Variants in NBEA observed in about 807,000 individuals in gnomAD.
NBEA encodes the protein lysosomal-trafficking regulator 2.
Under a neutral mutation model 343.4 loss-of-function variants are expected in NBEA, and 44 were observed. The ratio of observed to expected loss-of-function variants is 0.13; its 90% CI spans 0.10 to 0.16. NBEA has a LOEUF of 0.16. NBEA is among the 10% of genes least tolerant of loss of function. NBEA has a pLI of 1.00. For missense variants in NBEA, 2,555 were observed against 3,631.3 expected (o/e 0.70, Z 7.62); for synonymous variants, 1,175 against 1,238.7 (o/e 0.95, Z 1.08).
chr13:35,547,787 G>A (rs2079127887), intron 41 of NBEA, among the ~76,000 whole-genome samples: 2 of 152,098 alleles, frequency 1.3e-5, no homozygotes, highest in Non-Finnish European at 2.9e-5. Flanking sequence ...TACTTGAGAG[G>A]CTGAAGCAGG....
intron 40 of NBEA, among the ~76,000 whole-genome samples, chr13:35,458,943 A>T (rs1317132545): frequency 6.6e-6 from 1 of 151,026 alleles, no homozygotes. Flanking sequence ...ATTCAAATGT[A>T]AGTGTTGGAT....
rs2046647117 is a variant in NBEA, at chr13:35,457,477, A to C, written c.6448+5242A>C. On this transcript the variant is annotated intron_variant, in intron 40 of 58. Coordinates refer to ENST00000379939, the MANE Select transcript of NBEA (RefSeq NM_001385012.1). ...CTTTCGCAATCCTGGACAACCGCTA[A>C]TCTACTTTCTGTCTCTATAGATTTG... 2.0e-5 allele frequency among the ~76,000 whole-genome samples: 3 copies of C among 152,138 alleles called. 1 individual carries two copies. Among genetic ancestry groups the C allele is most frequent in the Non-Finnish European group, 2.9e-5 (2 of 68,020 alleles).
At chr13:35,474,847 T>C (rs1370573746) in intron 41 of NBEA, 3 of 578,634 alleles carry the variant, frequency 5.2e-6, no homozygotes, top group Non-Finnish European at 8.9e-6. Context: ...CTTCTAATAC[T>C]AGTGGCTTTG....
chr13:35,101,618 G>T (rs1593347765), intron 11 of NBEA, among the ~76,000 whole-genome samples: 1 of 151,724 alleles, frequency 6.6e-6, no homozygotes, highest in Middle Eastern at 3.4e-3. Context: ...TTAATAGACG[G>T]ATGATTAACA....
chr13:35,325,639 A>G (rs1477954566), intron 36 of NBEA, among the ~76,000 whole-genome samples: 1 of 152,080 alleles, frequency 6.6e-6, no homozygotes, highest in African/African-American at 2.4e-5. Context: ...GCAATATATG[A>G]AAAGGATTAT....
At chr13:35,475,884 C>T (rs759342515) in intron 41 of NBEA, 14 of 1,614,116 alleles carry the variant, frequency 8.7e-6, no homozygotes, top group Admixed American at 1.7e-5. Flanking sequence ...CGAAGTTGAA[C>T]ACCCCCATTT....
At chr13:35,049,821 A>G (rs1204430637) in intron 5 of NBEA, among the ~76,000 whole-genome samples, 4 of 151,614 alleles carry the variant, frequency 2.6e-5, no homozygotes, top group East Asian at 1.9e-4. Flanking sequence ...CAACTGTATC[A>G]TTTATCAAAC....
chr13:35,452,249 T>C lies in NBEA; in HGVS notation c.6448+14T>C, dbSNP rs557336899. The stretch of plus-strand genomic sequence containing the variant: ...ACAACCTTGCAGGTAAATTTTAAAA[T>C]ATATTTTTCCTATTTGTTGTAAATA... On this transcript the variant is annotated intron_variant, in intron 40 of 58. Transcript: ENST00000379939. 1 of 1,540,584 alleles carries C rather than the reference T, an allele frequency of 6.5e-7. No individual in the cohort carries two copies. The highest frequency in any genetic ancestry group is 1.2e-5 in the South Asian group (1 of 82,236).
At chr13:35,152,568 G>C (rs1021650596) in intron 18 of NBEA, among the ~76,000 whole-genome samples, 5 of 152,126 alleles carry the variant, frequency 3.3e-5, no homozygotes, top group African/African-American at 1.2e-4. Context: ...AGCTTCAGTA[G>C]CCCCTGCTTC....
chr13:35,203,452 A>G (rs555202480), intron 31 of NBEA, among the ~76,000 whole-genome samples: 2 of 152,010 alleles, frequency 1.3e-5, no homozygotes, highest in African/African-American at 2.4e-5. Context: ...CTTCTTATCT[A>G]TGCTTTATTT....
At chr13:35,213,908 C>A (rs985815677) in intron 33 of NBEA, among the ~76,000 whole-genome samples, 1 of 151,980 alleles carries the variant, frequency 6.6e-6, no homozygotes, top group African/African-American at 2.4e-5. Flanking sequence ...TTATTCACTC[C>A]TATCTCTGCT....
intron 10 of NBEA, among the ~76,000 whole-genome samples, chr13:35,085,463 A>G (rs552931123): frequency 6.6e-6 from 1 of 152,324 alleles, no homozygotes; most frequent in Non-Finnish European, 1.5e-5. Flanking sequence ...CAGCATATGA[A>G]CAGAACCAAT....
chr13:34,993,993 C>T (rs2060849348), intron 1 of NBEA, among the ~76,000 whole-genome samples: 1 of 151,604 alleles, frequency 6.6e-6, no homozygotes, highest in Non-Finnish European at 1.5e-5. Context: ...AGGTCAAGAG[C>T]TCAAGACCAG....
At chr13:35,306,435 G>A (rs145337278) in intron 35 of NBEA, among the ~76,000 whole-genome samples, 1 of 151,382 alleles carries the variant, frequency 6.6e-6, no homozygotes, top group East Asian at 1.9e-4. Flanking sequence ...CTTTTTGGTT[G>A]TACCTCATTA....
At chr13:35,223,179 A>G (rs2074468194) in intron 33 of NBEA, among the ~76,000 whole-genome samples, 1 of 152,178 alleles carries the variant, frequency 6.6e-6, no homozygotes, top group African/African-American at 2.4e-5. Flanking sequence ...TGCTCTAGAC[A>G]GTGAATTTTA....
intron 17 of NBEA, among the ~76,000 whole-genome samples, chr13:35,125,648 G>A (rs1271147761): frequency 6.6e-6 from 1 of 152,056 alleles, no homozygotes; most frequent in Non-Finnish European, 1.5e-5. Context: ...GATGGTCCAC[G>A]TAAATTAGAC....
chr13:35,278,071 G>C (rs902611582), intron 34 of NBEA, among the ~76,000 whole-genome samples: 22 of 149,560 alleles, frequency 1.5e-4, no homozygotes, highest in Non-Finnish European at 3.0e-4. Context: ...TGTGCAACAA[G>C]AGCAAAACTC....
At chr13:34,961,309 T>A (rs2059654110) in intron 1 of NBEA, among the ~76,000 whole-genome samples, 1 of 152,090 alleles carries the variant, frequency 6.6e-6, no homozygotes, top group Non-Finnish European at 1.5e-5. Flanking sequence ...AGTTTTGCTT[T>A]ATATTATTAT....
chr13:35,499,805 C>T (rs1380622405), intron 41 of NBEA, among the ~76,000 whole-genome samples: 1 of 152,112 alleles, frequency 6.6e-6, no homozygotes, highest in Non-Finnish European at 1.5e-5. Context: ...GTTGCGATAT[C>T]CTCAGCCATG....
Sources: gnomAD v4.1 joint callset for allele counts (sites outside exome capture counted in the v4.1 genomes callset) on GRCh38, gnomAD v4.1.1 for gene constraint, MANE v1.5 for transcripts, NCBI Gene and HGNC (gene_info 2026-07-23, HGNC 2026-07-21) for gene names.